Variants in NTRK2 observed in about 807,000 individuals in gnomAD.
The protein encoded by NTRK2 is neurotrophic receptor tyrosine kinase 2.
In NTRK2, 13 loss-of-function variants were observed where a neutral mutation model predicts 94.5. The observed-to-expected ratio is 0.14, with a 90% CI of 0.09 to 0.22. The LOEUF (loss-of-function observed/expected upper bound fraction) is 0.22. Among genes scored for constraint, NTRK2 ranks in the 10% least tolerant of loss-of-function variants. NTRK2 has a pLI of 1.00. For missense variants in NTRK2, 639 were observed against 1,071.2 expected, an observed-to-expected ratio of 0.60 and a Z score of 5.63; for synonymous variants, 372 against 407.4, an observed-to-expected ratio of 0.91 and a Z score of 1.05.
At chr9:84,989,094 G>A (rs1465232837) in intron 17 of NTRK2, among the ~76,000 whole-genome samples, 1 of 152,182 alleles carries the variant, frequency 6.6e-6, no homozygotes, top group Non-Finnish European at 1.5e-5. Context: ...CAGCTACTGA[G>A]CAGCAAATCA....
chr9:84,745,767 G>A (rs920193224), intron 11 of NTRK2, among the ~76,000 whole-genome samples: 5 of 152,160 alleles, frequency 3.3e-5, no homozygotes, highest in African/African-American at 4.8e-5. Context: ...CATCGTGAAG[G>A]TGCTTGATTG....
At chr9:84,721,730 A>G (rs1201075846) in intron 6 of NTRK2, among the ~76,000 whole-genome samples, 1 of 152,198 alleles carries the variant, frequency 6.6e-6, no homozygotes, top group Admixed American at 6.5e-5. Context: ...AAGAGATGAA[A>G]TGGGTGCCTC....
chr9:85,014,778 C>T (rs1385512816), intron 17 of NTRK2, among the ~76,000 whole-genome samples: 5 of 152,146 alleles, frequency 3.3e-5, no homozygotes, highest in Admixed American at 3.3e-4. Flanking sequence ...ACCTTTCAAA[C>T]AGGTAGATTT....
intron 14 of NTRK2, among the ~76,000 whole-genome samples, chr9:84,920,369 G>A (rs924887464): frequency 5.9e-5 from 9 of 152,062 alleles, no homozygotes; most frequent in Non-Finnish European, 1.2e-4. Flanking sequence ...CCTTGTCCAC[G>A]CGGGCGAGAC....
intron 12 of NTRK2, among the ~76,000 whole-genome samples, chr9:84,760,513 T>G (rs931753415): frequency 1.3e-5 from 2 of 152,222 alleles, no homozygotes; most frequent in Non-Finnish European, 2.9e-5. Context: ...TGTATCTACT[T>G]TATGGGTATG....
At chr9:84,945,300 G>T (rs922778391) in intron 15 of NTRK2, among the ~76,000 whole-genome samples, 1 of 152,028 alleles carries the variant, frequency 6.6e-6, no homozygotes, top group Non-Finnish European at 1.5e-5. Context: ...GGTTCTTTTA[G>T]TTGCCTGATA....
chr9:84,800,569 A>G (rs2070299526), intron 12 of NTRK2, among the ~76,000 whole-genome samples: 2 of 152,226 alleles, frequency 1.3e-5, no homozygotes, highest in South Asian at 4.1e-4. Context: ...TCAATTCCAC[A>G]ATAAAGGATA....
At chr9:84,841,781 C>T (rs145957233) in intron 12 of NTRK2, among the ~76,000 whole-genome samples, 133 of 152,274 alleles carry the variant, frequency 8.7e-4, no homozygotes, top group African/African-American at 3.1e-3. Context: ...CTGTCTGCCC[C>T]CACAAAATAT....
intron 2 of NTRK2, among the ~76,000 whole-genome samples, 198 bp downstream of exon 2, chr9:84,671,158 T>C (rs2058677464): frequency 6.6e-6 from 1 of 152,218 alleles, no homozygotes. Flanking sequence ...TGTGACACTT[T>C]AGAATAAGTT....
At chr9:84,742,352 A>T (rs2063710793) in intron 10 of NTRK2, among the ~76,000 whole-genome samples, 1 of 152,162 alleles carries the variant, frequency 6.6e-6, no homozygotes, top group African/African-American at 2.4e-5. Flanking sequence ...GTAGGGCTTG[A>T]TTTAGGGTTG....
intron 2 of NTRK2, among the ~76,000 whole-genome samples, chr9:84,687,300 C>A (rs1444680767): frequency 6.6e-6 from 1 of 152,204 alleles, no homozygotes; most frequent in African/African-American, 2.4e-5. Context: ...TTGGCTCTCA[C>A]GATAAGCCTA....
intron 12 of NTRK2, among the ~76,000 whole-genome samples, chr9:84,828,830 T>C (rs1430573776): frequency 6.6e-6 from 1 of 152,120 alleles, no homozygotes; most frequent in Non-Finnish European, 1.5e-5. Flanking sequence ...GGCAAATATA[T>C]AAATTAGTGC....
chr9:85,007,409 A>T (rs1490407), intron 17 of NTRK2, among the ~76,000 whole-genome samples: 1 of 151,988 alleles, frequency 6.6e-6, no homozygotes, highest in Non-Finnish European at 1.5e-5. Context: ...AACGGGGCAC[A>T]AGCAGCCATT....
At chr9:84,728,024 T>C in intron 9 of NTRK2, 65 bp downstream of exon 9, 3 of 1,473,086 alleles carry the variant, frequency 2.0e-6, no homozygotes, top group Non-Finnish European at 2.8e-6. Flanking sequence ...GTTGACAAAA[T>C]CATGTATACA....
Position 85,025,570 on chromosome 9 carries a change from T to C in NTRK2, c.*4133T>C, listed in dbSNP as rs1159153756. On this transcript the variant is annotated 3_prime_UTR_variant, in exon 19 of 19. Coordinates refer to ENST00000277120, the MANE Select transcript of NTRK2 (RefSeq NM_006180.6). Reference sequence around the variant, plus strand: ...TTACCTGGTCAAGTATGGACTTTCTTTGAATCTTTCTTTTCACAAATTGGA... The same window carrying C: ...TTACCTGGTCAAGTATGGACTTTCTCTGAATCTTTCTTTTCACAAATTGGA... 4 of 233,170 alleles carry C rather than the reference T, an allele frequency of 1.7e-5. No homozygotes were observed. The highest frequency in any genetic ancestry group is 8.8e-5 in the African/African-American group (4 of 45,366). 14.4% of individuals were successfully genotyped at this position (233,170 alleles called of 1,614,324 possible).
intron 12 of NTRK2, chr9:84,811,713 CTAAT>C (rs1445435984): frequency 1.9e-6 from 2 of 1,065,584 alleles, no homozygotes; most frequent in African/African-American, 3.3e-5. Context: ...TGGCAGGTCG[CTAAT>C]GAATATATGC....
intron 14 of NTRK2, among the ~76,000 whole-genome samples, chr9:84,882,076 G>A (rs2076269378): frequency 6.6e-6 from 1 of 152,146 alleles, no homozygotes; most frequent in Non-Finnish European, 1.5e-5. Context: ...CTACTAGGCA[G>A]GAGAGCTAGG....
chr9:84,959,785 ATTT>A lies in NTRK2; in HGVS notation c.2172+4269_2172+4271del, dbSNP rs1356922762. The stretch of plus-strand genomic sequence containing the variant: ...GACATTTAGGAAACATCTGAACCAG[ATTT>A]CAGTCACATTCTGCCTGTTGGAGAC... On this transcript the variant is annotated intron_variant, in intron 17 of 18. Coordinates refer to ENST00000277120, the MANE Select transcript of NTRK2 (RefSeq NM_006180.6). Among the ~76,000 whole-genome samples, 4 of 152,138 alleles carry A rather than the reference ATTT, an allele frequency of 2.6e-5. No individual in the cohort carries two copies. In the East Asian group the frequency reaches 5.8e-4, roughly 22 times the overall value.
intron 12 of NTRK2, among the ~76,000 whole-genome samples, chr9:84,784,435 C>T (rs1205059539): frequency 6.6e-6 from 1 of 152,112 alleles, no homozygotes; most frequent in Non-Finnish European, 1.5e-5. Flanking sequence ...ATCTTCTGGA[C>T]AATGGGAATG....
Sources: allele counts gnomAD v4.1 joint callset (sites outside exome capture counted in the v4.1 genomes callset), GRCh38; gene constraint gnomAD v4.1.1; transcripts MANE v1.5; gene names NCBI Gene and HGNC (gene_info 2026-07-23, HGNC 2026-07-21).